The following STK32B variants were observed in gnomAD, a reference collection of about 807,000 sequenced individuals.
The protein encoded by STK32B is serine/threonine kinase 32B.
A neutral mutation model predicts 52.6 loss-of-function variants in STK32B; 43 were observed. The ratio of observed to expected loss-of-function variants is 0.82; its 90% CI spans 0.64 to 1.05. The LOEUF (loss-of-function observed/expected upper bound fraction) is 1.05. STK32B is among the 50% of genes least tolerant of loss of function. The probability of loss-of-function intolerance (pLI) is 0.00; values close to 1 mark genes in which losing one functional copy is unlikely to be tolerated. For missense variants in STK32B, 621 were observed against 534.6 expected (o/e 1.16, Z -1.59); for synonymous variants, 238 against 204.3 (o/e 1.17, Z -1.41).
intron 4 of STK32B, among the ~76,000 whole-genome samples, chr4:5,385,935 CAGCCCCCACTCACAGCTCCACCCA>C: frequency 2.9e-5 from 2 of 69,364 alleles, no homozygotes; most frequent in Admixed American, 1.6e-4. Flanking sequence ...GCCCCACCCA[CAGCCCCCACTCACAGCTCCACCCA>C]CAGCCCCCAC....
intron 3 of STK32B, among the ~76,000 whole-genome samples, chr4:5,192,677 C>T (rs1251967079): frequency 6.6e-6 from 1 of 152,170 alleles, no homozygotes; most frequent in Non-Finnish European, 1.5e-5. Flanking sequence ...GATTACCACA[C>T]TCAAGCTGAT....
At chr4:5,208,929 C>T (rs988998855) in intron 3 of STK32B, among the ~76,000 whole-genome samples, 1 of 152,242 alleles carries the variant, frequency 6.6e-6, no homozygotes, top group African/African-American at 2.4e-5. Flanking sequence ...AACCTTTTCC[C>T]TGCTCAGTGG....
At chr4:5,493,599 G>A (rs532373381) in intron 11 of STK32B, among the ~76,000 whole-genome samples, 1 of 152,120 alleles carries the variant, frequency 6.6e-6, no homozygotes, top group Admixed American at 6.6e-5. Flanking sequence ...TCTGATTTTA[G>A]TTATTTCTTG....
chr4:5,352,905 AC>A (rs373538736), intron 4 of STK32B, among the ~76,000 whole-genome samples: 393 of 152,244 alleles, frequency 2.6e-3, no homozygotes, highest in African/African-American at 8.3e-3. Context: ...AATAGAAAAA[AC>A]AATCCGAAAT....
chr4:5,167,569 G>A (rs917355489), intron 2 of STK32B, among the ~76,000 whole-genome samples: 1 of 152,056 alleles, frequency 6.6e-6, no homozygotes, highest in Non-Finnish European at 1.5e-5. Flanking sequence ...AGAAGGGTAG[G>A]AAGGAAGACA....
chr4:5,282,917 A>G (rs918052413), intron 3 of STK32B, among the ~76,000 whole-genome samples: 1 of 152,170 alleles, frequency 6.6e-6, no homozygotes, highest in Non-Finnish European at 1.5e-5. Context: ...GACCGTGGGT[A>G]ACTGAAACCA....
intron 3 of STK32B, among the ~76,000 whole-genome samples, chr4:5,308,944 A>G (rs1287734962): frequency 2.0e-5 from 3 of 152,122 alleles, no homozygotes; most frequent in Non-Finnish European, 2.9e-5. Context: ...CAAATTGAAA[A>G]GGAAGAAGTC....
chr4:5,386,615 A>G lies in STK32B; in HGVS notation c.435-11592A>G, dbSNP rs115968800. Among the ~76,000 whole-genome samples, 248 of 152,332 alleles carry G rather than the reference A, an allele frequency of 1.6e-3. No homozygotes were observed. Among genetic ancestry groups the G allele is most frequent in the Middle Eastern group, 0.01 (3 of 294 alleles). The stretch of plus-strand genomic sequence containing the variant: ...TTTTGGCTCTAAAATACCTTTCCCA[A>G]TGACCCAGATAAAATCCACACTGTC... On this transcript the variant is annotated intron_variant, in intron 4 of 11. Coordinates refer to ENST00000282908, the MANE Select transcript of STK32B (RefSeq NM_018401.3). This position sits in a 1 kb window ranked among gnomAD's most constrained non-coding sequence, Gnocchi z 4.5.
intron 4 of STK32B, among the ~76,000 whole-genome samples, chr4:5,341,418 A>G (rs2041608591): frequency 6.6e-6 from 1 of 152,244 alleles, no homozygotes; most frequent in African/African-American, 2.4e-5. Context: ...AAAACAGGAA[A>G]CAGATGCTCA....
At chr4:5,115,391 C>G (rs914276249) in intron 1 of STK32B, among the ~76,000 whole-genome samples, 3 of 152,186 alleles carry the variant, frequency 2.0e-5, no homozygotes, top group African/African-American at 7.2e-5. Flanking sequence ...GCTTGAAAAA[C>G]TGCTTTCCTC....
At chr4:5,476,951 G>T (rs991054924) in intron 11 of STK32B, among the ~76,000 whole-genome samples, 13 of 151,910 alleles carry the variant, frequency 8.6e-5, no homozygotes, top group African/African-American at 3.1e-4. Context: ...GACAAGGAAG[G>T]ACTTCCCCCT....
At chr4:5,265,958 T>G (rs1265377568) in intron 3 of STK32B, among the ~76,000 whole-genome samples, 1 of 152,222 alleles carries the variant, frequency 6.6e-6, no homozygotes, top group African/African-American at 2.4e-5. Context: ...TTTGGTGATA[T>G]ATTAAATTAT....
intron 1 of STK32B, among the ~76,000 whole-genome samples, chr4:5,092,573 G>A (rs151229692): frequency 7.9e-5 from 12 of 152,176 alleles, no homozygotes; most frequent in African/African-American, 2.9e-4. Context: ...CTGAAACCGG[G>A]TAATTTATAA....
chr4:5,190,458 G>A (rs16836806), intron 3 of STK32B, among the ~76,000 whole-genome samples: 3,132 of 152,154 alleles, frequency 0.021, 114 homozygotes, highest in African/African-American at 0.071. Context: ...TGACTAGTGC[G>A]ATCAGAGTGC....
intron 4 of STK32B, among the ~76,000 whole-genome samples, chr4:5,358,059 C>G (rs1482718174): frequency 6.6e-6 from 1 of 152,156 alleles, no homozygotes; most frequent in Non-Finnish European, 1.5e-5. Context: ...TTTGGTTTCC[C>G]TTATGTCACA....
At chr4:5,047,461 TAAAATA>T (rs998697812), upstream of STK32B, among the ~76,000 whole-genome samples, 1 of 151,616 alleles carries the variant, frequency 6.6e-6, no homozygotes, top group Non-Finnish European at 1.5e-5. Flanking sequence ...GAACTTAAAG[TAAAATA>T]AAAATAAAAA....
Position 5,058,688 on chromosome 4 carries a change from A to G in STK32B, c.52+6773A>G, listed in dbSNP as rs1742100216. Among the ~76,000 whole-genome samples the G allele has an allele frequency of 1.3e-5, 2 of 152,042 alleles. No homozygotes were observed. The highest frequency in any genetic ancestry group is 4.8e-5 in the African/African-American group (2 of 41,402). On this transcript the variant is annotated intron_variant, in intron 1 of 11. Coordinates refer to ENST00000282908, the MANE Select transcript of STK32B (RefSeq NM_018401.3). The surrounding 1 kb of genome is among the most constrained non-coding windows in gnomAD (Gnocchi z 4.8). ...AGCAATCCTCCTGTGTCAGCCTACA[A>G]AGTAGACCATAGGAACACACCACCA...
intron 4 of STK32B, among the ~76,000 whole-genome samples, chr4:5,334,402 A>G (rs1403560179): frequency 2.0e-5 from 3 of 152,154 alleles, no homozygotes; most frequent in Non-Finnish European, 1.5e-5. Context: ...TTTTCTAGGT[A>G]TACAATCATG....
intron 3 of STK32B, among the ~76,000 whole-genome samples, chr4:5,255,225 G>A (rs566239968): frequency 1.3e-5 from 2 of 152,272 alleles, no homozygotes; most frequent in African/African-American, 4.8e-5. Flanking sequence ...TTGCCTGCTT[G>A]TTCAGGGTTT....
Sources: allele counts gnomAD v4.1 joint callset (sites outside exome capture counted in the v4.1 genomes callset), GRCh38; gene constraint gnomAD v4.1.1; non-coding constraint Gnocchi (gnomAD v3.1); transcripts MANE v1.5; gene names NCBI Gene and HGNC (gene_info 2026-07-23, HGNC 2026-07-21).